The following ABTB3 variants were observed in gnomAD, a reference collection of about 807,000 sequenced individuals.
ABTB3 encodes ankyrin repeat- and BTB/POZ domain-containing protein 3.
At chr12:107,319,987 G>A in the ABTB3 span, 1 of 1,583,530 alleles carries the variant, frequency 6.3e-7, no homozygotes, top group Non-Finnish European at 8.6e-7. Flanking sequence ...TCACCGTGGA[G>A]ACCCTGGAGC....
At chr12:107,558,811 A>G in the ABTB3 span, among the ~76,000 whole-genome samples, 4 of 152,142 alleles carry the variant, frequency 2.6e-5, no homozygotes, top group Non-Finnish European at 1.5e-5. Flanking sequence ...TATTTTGCCT[A>G]TTTAACAGAT....
the ABTB3 span, among the ~76,000 whole-genome samples, chr12:107,400,305 C>G: frequency 2.0e-5 from 3 of 152,050 alleles, no homozygotes; most frequent in African/African-American, 7.2e-5. Context: ...TGATGAGATG[C>G]TTAGGGGGCA....
the ABTB3 span, among the ~76,000 whole-genome samples, chr12:107,628,254 C>T: frequency 1.3e-5 from 2 of 152,228 alleles, no homozygotes; most frequent in African/African-American, 4.8e-5. Context: ...GACTCTCATG[C>T]CTCAGCCTCC....
At chr12:107,413,088 C>T in the ABTB3 span, among the ~76,000 whole-genome samples, 3 of 152,030 alleles carry the variant, frequency 2.0e-5, no homozygotes, top group African/African-American at 7.2e-5. Flanking sequence ...TCCTGGCTAA[C>T]ACCGTGAAAC....
At chr12:107,474,154 C>T in the ABTB3 span, among the ~76,000 whole-genome samples, 2 of 152,186 alleles carry the variant, frequency 1.3e-5, no homozygotes, top group African/African-American at 4.8e-5. Context: ...TTTTTGGTGA[C>T]TGCGCCCAGT....
At chr12:107,555,278 C>A in the ABTB3 span, among the ~76,000 whole-genome samples, 1 of 152,178 alleles carries the variant, frequency 6.6e-6, no homozygotes, top group Non-Finnish European at 1.5e-5. Flanking sequence ...AAACTTCACC[C>A]ACTTCAGGGC....
the ABTB3 span, among the ~76,000 whole-genome samples, chr12:107,336,472 A>T: frequency 1.8e-5 from 1 of 54,536 alleles, no homozygotes; most frequent in South Asian, 4.1e-4. Context: ...TCTGAGCCTC[A>T]GTTTCCTCCC....
At chr12:107,635,056 C>CT in the ABTB3 span, 1 of 380,106 alleles carries the variant, frequency 2.6e-6, no homozygotes. Flanking sequence ...AGAAGAATTT[C>CT]TTAAGCTTCA....
the ABTB3 span, chr12:107,319,207 G>T: frequency 6.3e-7 from 1 of 1,588,720 alleles, no homozygotes. Flanking sequence ...ACTGCTCGCG[G>T]CTGCTGCCGG....
chr12:107,596,659 C>T, the ABTB3 span, among the ~76,000 whole-genome samples: 7,571 of 152,058 alleles, frequency 0.05, 611 homozygotes, highest in African/African-American at 0.17. Flanking sequence ...CTTCAAACAC[C>T]GTATTGGCAC....
chr12:107,591,151 C>T, the ABTB3 span, among the ~76,000 whole-genome samples: 1 of 152,206 alleles, frequency 6.6e-6, no homozygotes, highest in Non-Finnish European at 1.5e-5. Context: ...AATCACCCTA[C>T]AAAAGTTTAA....
the ABTB3 span, among the ~76,000 whole-genome samples, chr12:107,386,577 C>G: frequency 6.6e-6 from 1 of 152,190 alleles, no homozygotes; most frequent in Admixed American, 6.5e-5. Flanking sequence ...ATTTCAGGAT[C>G]TGCAGGGATT....
the ABTB3 span, among the ~76,000 whole-genome samples, chr12:107,552,352 TAAATA>T: frequency 6.6e-6 from 1 of 152,212 alleles, no homozygotes; most frequent in Non-Finnish European, 1.5e-5. Flanking sequence ...ATACACTTAT[TAAATA>T]AAATGTGACA....
chr12:107,471,356 A>G, the ABTB3 span, among the ~76,000 whole-genome samples: 3 of 152,224 alleles, frequency 2.0e-5, no homozygotes, highest in African/African-American at 7.2e-5. Context: ...TATCTGGGTG[A>G]ACCTAATCTT....
chr12:107,378,184 A>ATG, the ABTB3 span, among the ~76,000 whole-genome samples: 1 of 152,188 alleles, frequency 6.6e-6, no homozygotes, highest in African/African-American at 2.4e-5. Context: ...AACCTTGGGC[A>ATG]TGTCCCTTAA....
chr12:107,347,611 T>C, the ABTB3 span, among the ~76,000 whole-genome samples: 1 of 152,092 alleles, frequency 6.6e-6, no homozygotes, highest in African/African-American at 2.4e-5. Context: ...ATCAGGGTAA[T>C]GGCTGTTTTT....
the ABTB3 span, among the ~76,000 whole-genome samples, chr12:107,604,908 C>G: frequency 6.6e-6 from 1 of 152,078 alleles, no homozygotes; most frequent in South Asian, 2.1e-4. Flanking sequence ...GGTATATGTA[C>G]ACAGTGGAAT....
chr12:107,389,846 T>TTGTG, the ABTB3 span, among the ~76,000 whole-genome samples: 101 of 141,570 alleles, frequency 7.1e-4, 1 homozygote, highest in East Asian at 2.2e-3. Flanking sequence ...GTGTGTGTGT[T>TTGTG]TGTGTGTGTG....
At chr12:107,499,041 A>C in the ABTB3 span, among the ~76,000 whole-genome samples, 1 of 152,166 alleles carries the variant, frequency 6.6e-6, no homozygotes, top group Non-Finnish European at 1.5e-5. Flanking sequence ...ACTCTATGAT[A>C]AAAGTTTAGC....
Sources: allele counts gnomAD v4.1 joint callset (sites outside exome capture counted in the v4.1 genomes callset), GRCh38; gene constraint gnomAD v4.1.1; transcripts MANE v1.5; gene names NCBI Gene and HGNC (gene_info 2026-07-23, HGNC 2026-07-21).